SESTD1: variants seen among roughly 807,000 people sequenced by gnomAD.
SESTD1 encodes SEC14 and spectrin domain containing 1.
Under a neutral mutation model 101.7 loss-of-function variants are expected in SESTD1, and 43 were observed. That is an observed-to-expected ratio of 0.42 (90% CI 0.33 to 0.55). SESTD1 has a LOEUF of 0.55. Among genes scored for constraint, SESTD1 ranks in the 20% least tolerant of loss-of-function variants. SESTD1 has a pLI of 0.07. For synonymous variants in SESTD1, 283 were observed against 286.8 expected (o/e 0.99, Z 0.13); for missense variants, 647 against 815.1 (o/e 0.79, Z 2.51).
At chr2:179,173,805 A>G (rs972063989) in intron 4 of SESTD1, among the ~76,000 whole-genome samples, 9 of 152,150 alleles carry the variant, frequency 5.9e-5, no homozygotes, top group Non-Finnish European at 1.3e-4. Context: ...GCCACACACC[A>G]CACAATATAT....
At position 179,115,082 on chromosome 2, in the gene SESTD1, G is replaced by A. The variant is rs1419727941; in HGVS notation, c.1822C>T (p.His608Tyr). The A allele has an allele frequency of 6.2e-7, 1 of 1,610,406 alleles. No homozygotes were observed. The highest frequency in any genetic ancestry group is 2.2e-5 in the East Asian group (1 of 44,794). Reference protein sequence around the residue: ...VHRLEMAIAFHSNAEKILQDC... With the variant: ...VHRLEMAIAFYSNAEKILQDC... ...AAGCAAACCTTTTCAGCATTTGAGT[G>A]AAATGCAATAGCCATTTCCAATCTA... is the stretch of plus-strand genomic sequence containing the variant. The change falls in exon 16 of 18, where the codon CAC becomes TAC. Residue 608 changes from histidine (H) to tyrosine (Y), a missense_variant. Physicochemically the swap from His to Tyr is moderately conservative, Grantham distance 83. Transcript: ENST00000428443.
At chr2:179,263,654 G>T (rs887445719) in intron 1 of SESTD1, among the ~76,000 whole-genome samples, 1 of 152,082 alleles carries the variant, frequency 6.6e-6, no homozygotes, top group Non-Finnish European at 1.5e-5. Context: ...GTAAGAGAAA[G>T]ATGTCAAAGC....
intron 1 of SESTD1, among the ~76,000 whole-genome samples, chr2:179,195,301 T>C (rs948340529): frequency 6.6e-6 from 1 of 152,144 alleles, no homozygotes; most frequent in African/African-American, 2.4e-5. Flanking sequence ...TCTCAAGAGA[T>C]CTAATGGTTT....
rs944156081 is a variant in SESTD1, at chr2:179,209,665, A to G, written c.-25-17799T>C. On this transcript the variant is annotated intron_variant, in intron 1 of 17. Transcript: ENST00000428443. Reference sequence around the variant, plus strand: ...AGAAAAAATTTCTTTGAACTGAACAATAATAGCGACACAACCTATCAACAC... The same window carrying G: ...AGAAAAAATTTCTTTGAACTGAACAGTAATAGCGACACAACCTATCAACAC... 6.7e-5 allele frequency among the ~76,000 whole-genome samples: 9 copies of G among 134,358 alleles called. 3 individuals are homozygous for G. Among genetic ancestry groups the G allele is most frequent in the Non-Finnish European group, 1.4e-4 (9 of 62,636 alleles). 88.1% of individuals were successfully genotyped at this position (134,358 alleles called of 152,430 possible). A position where few individuals can be genotyped will look rare whatever the true frequency, so the allele number is the denominator to read the frequency against.
intron 1 of SESTD1, among the ~76,000 whole-genome samples, chr2:179,229,883 C>G (rs2105536775): frequency 6.8e-6 from 1 of 147,742 alleles, no homozygotes; most frequent in South Asian, 2.1e-4. Flanking sequence ...AACAAACAAA[C>G]CAAACTGTGC....
At chr2:179,199,347 T>C (rs1002916437) in intron 1 of SESTD1, among the ~76,000 whole-genome samples, 12 of 152,094 alleles carry the variant, frequency 7.9e-5, no homozygotes, top group African/African-American at 2.2e-4. Flanking sequence ...CAGGACCAGA[T>C]GGATTCACAG....
chr2:179,140,577 G>A (rs1008035727), intron 9 of SESTD1, among the ~76,000 whole-genome samples: 2 of 152,074 alleles, frequency 1.3e-5, no homozygotes, highest in Non-Finnish European at 2.9e-5. Flanking sequence ...TGTTTGCTAC[G>A]GCAGCCCTCG....
intron 5 of SESTD1, among the ~76,000 whole-genome samples, chr2:179,156,263 T>C (rs1426913175): frequency 6.6e-6 from 1 of 152,160 alleles, no homozygotes; most frequent in Non-Finnish European, 1.5e-5. Flanking sequence ...GCTCTATGAT[T>C]TTGCAATTGT....
At chr2:179,142,828 T>A (rs1440158807) in intron 9 of SESTD1, among the ~76,000 whole-genome samples, 1 of 152,150 alleles carries the variant, frequency 6.6e-6, no homozygotes, top group Non-Finnish European at 1.5e-5. Context: ...CTTAACACTT[T>A]CTCTCCCTAA....
chr2:179,229,215 A>T (rs1306789811), intron 1 of SESTD1, among the ~76,000 whole-genome samples: 1 of 152,200 alleles, frequency 6.6e-6, no homozygotes, highest in Non-Finnish European at 1.5e-5. Flanking sequence ...AAAGACGAGC[A>T]TTTGAATTTG....
At position 179,212,707 on chromosome 2, in the gene SESTD1, G is replaced by A. The variant is rs772291664; in HGVS notation, c.-25-20841C>T. Among the ~76,000 whole-genome samples, 14 of 135,168 alleles carry A rather than the reference G, an allele frequency of 1.0e-4. 2 individuals carry two copies. The highest frequency in any genetic ancestry group is 2.1e-4 in the Non-Finnish European group (13 of 62,712). 88.7% of individuals were successfully genotyped at this position (135,168 alleles called of 152,430 possible). A position where few individuals can be genotyped will look rare whatever the true frequency, so the allele number is the denominator to read the frequency against. On this transcript the variant is annotated intron_variant, in intron 1 of 17. Transcript: ENST00000428443. Reference sequence around the variant, plus strand: ...CTCTTCAAGTGGGTCCCTGACCCCCGTGTACCTAACTGGGAGACACCTCCC... The same window carrying A: ...CTCTTCAAGTGGGTCCCTGACCCCCATGTACCTAACTGGGAGACACCTCCC...
chr2:179,244,441 A>G (rs1223928235), intron 1 of SESTD1, among the ~76,000 whole-genome samples: 2 of 151,372 alleles, frequency 1.3e-5, no homozygotes, highest in Non-Finnish European at 2.9e-5. Context: ...CCTGGGAGAT[A>G]CAGTGAGACT....
At chr2:179,246,609 A>G (rs1574065516) in intron 1 of SESTD1, among the ~76,000 whole-genome samples, 1 of 152,230 alleles carries the variant, frequency 6.6e-6, no homozygotes, top group Non-Finnish European at 1.5e-5. Flanking sequence ...CAACATTTAT[A>G]AAACAGTCTA....
intron 9 of SESTD1, among the ~76,000 whole-genome samples, chr2:179,141,680 G>C (rs1321740184): frequency 6.6e-6 from 1 of 152,074 alleles, no homozygotes; most frequent in Non-Finnish European, 1.5e-5. Flanking sequence ...CTGAAGAGGA[G>C]ACTATGACAT....
At chr2:179,190,072 A>G (rs2046298224) in intron 2 of SESTD1, among the ~76,000 whole-genome samples, 1 of 152,154 alleles carries the variant, frequency 6.6e-6, no homozygotes, top group African/African-American at 2.4e-5. Context: ...TATGGAAACA[A>G]AAAAAAGCCC....
At chr2:179,120,891 C>G (rs2044734829) in intron 13 of SESTD1, among the ~76,000 whole-genome samples, 1 of 152,104 alleles carries the variant, frequency 6.6e-6, no homozygotes. Flanking sequence ...ATTTTTAAAA[C>G]AGGAGAAATT....
intron 1 of SESTD1, among the ~76,000 whole-genome samples, chr2:179,221,946 C>A (rs1054767957): frequency 9.9e-5 from 15 of 151,882 alleles, no homozygotes; most frequent in Non-Finnish European, 2.2e-4. Flanking sequence ...AAACAAAAAA[C>A]AACATATATT....
intron 5 of SESTD1, among the ~76,000 whole-genome samples, chr2:179,156,068 T>G (rs140346237): frequency 6.6e-6 from 1 of 152,122 alleles, no homozygotes; most frequent in Non-Finnish European, 1.5e-5. Flanking sequence ...ATGCCATTAA[T>G]TCATTCCTTT....
chr2:179,183,711 C>T, intron 2 of SESTD1, among the ~76,000 whole-genome samples: 1 of 151,840 alleles, frequency 6.6e-6, no homozygotes, highest in East Asian at 1.9e-4. Context: ...ATTGGCGTGT[C>T]TGTAGTCTCA....
Sources: allele counts gnomAD v4.1 joint callset (sites outside exome capture counted in the v4.1 genomes callset), GRCh38; gene constraint gnomAD v4.1.1; transcripts MANE v1.5; gene names NCBI Gene and HGNC (gene_info 2026-07-23, HGNC 2026-07-21).